HDGFL3: variants seen among roughly 807,000 people sequenced by gnomAD.
HDGFL3 encodes the protein hepatoma-derived growth factor-related protein 3.
Under a neutral mutation model 27.6 loss-of-function variants are expected in HDGFL3, and 6 were observed. The ratio of observed to expected loss-of-function variants is 0.22; its 90% CI spans 0.12 to 0.43. The LOEUF (loss-of-function observed/expected upper bound fraction) is 0.43, where lower values mean the gene tolerates loss of function less well. Among genes scored for constraint, HDGFL3 ranks in the 20% least tolerant of loss-of-function variants. The pLI, the probability that HDGFL3 is intolerant of heterozygous loss-of-function variation, is 1.00. For synonymous variants in HDGFL3, 88 were observed against 88.9 expected, an observed-to-expected ratio of 0.99 and a Z score of 0.05; for missense variants, 207 against 250.1, an observed-to-expected ratio of 0.83 and a Z score of 1.16.
At chr15:83,144,402 G>C (rs532850123) in intron 5 of HDGFL3, 2 of 455,938 alleles carry the variant, frequency 4.4e-6, no homozygotes, top group African/African-American at 4.0e-5. Context: ...TGACTTGCTT[G>C]TAATAAACAG....
chr15:83,178,692 C>G (rs1244509307), intron 1 of HDGFL3, among the ~76,000 whole-genome samples: 1 of 152,144 alleles, frequency 6.6e-6, no homozygotes, highest in Admixed American at 6.6e-5. Context: ...CCTCACTTCT[C>G]ATAGAGCTAA....
rs1216400315 is a variant in HDGFL3 at position 83,132,176 on chromosome 15, C to T, written c.*7094G>A. ...GGTAATACATGTAAAGGGCTTAAAA[C>T]AGTGTCTGGCACATAACAGCTATGT... is the stretch of plus-strand genomic sequence containing the variant. On this transcript the variant is annotated 3_prime_UTR_variant, in exon 6 of 6. Transcript: ENST00000299633. The T allele has an allele frequency of 6.6e-6, 1 of 152,218 alleles. No individual in the cohort carries two copies. The highest frequency in any genetic ancestry group is 6.5e-5 in the Admixed American group (1 of 15,272). 9.4% of individuals were successfully genotyped at this position (152,218 alleles called of 1,614,324 possible).
At chr15:83,206,432 T>G (rs1463399133) in intron 1 of HDGFL3, among the ~76,000 whole-genome samples, 1 of 152,222 alleles carries the variant, frequency 6.6e-6, no homozygotes, top group Non-Finnish European at 1.5e-5. Context: ...AAAAAGGATT[T>G]CTTCTAAAAC....
At chr15:83,185,383 G>C (rs2037429897) in intron 1 of HDGFL3, among the ~76,000 whole-genome samples, 1 of 152,192 alleles carries the variant, frequency 6.6e-6, no homozygotes, top group Non-Finnish European at 1.5e-5. Context: ...TTTGACTCAA[G>C]CCCAAGAAAT....
chr15:83,136,340 T>G lies in HDGFL3; in HGVS notation c.*2930A>C. 1 of 535,250 alleles carries G rather than the reference T, an allele frequency of 1.9e-6. No homozygotes were observed. Among genetic ancestry groups the G allele is most frequent in the East Asian group, 3.1e-5 (1 of 32,620 alleles). The allele number at this position is 535,250 out of a possible 1,614,324, so 33.2% of individuals were successfully genotyped here. A position where few individuals can be genotyped will look rare whatever the true frequency, so the allele number is the denominator to read the frequency against. On this transcript the variant is annotated 3_prime_UTR_variant, in exon 6 of 6. Coordinates refer to ENST00000299633, the MANE Select transcript of HDGFL3 (RefSeq NM_016073.4). ...AGACTCTGACATTAAAGACTCTGGATTGTTTGAAGGTATTTTGCCTGCAGG... is the reference window on the plus strand; with the variant it reads ...AGACTCTGACATTAAAGACTCTGGAGTGTTTGAAGGTATTTTGCCTGCAGG...
In HDGFL3 at chr15:83,207,492, T is replaced by C; in HGVS notation, c.-78A>G. The C allele has an allele frequency of 1.8e-6, 2 of 1,096,036 alleles. No homozygotes were observed. Among genetic ancestry groups the C allele is most frequent in the South Asian group, 8.1e-5 (2 of 24,756 alleles). 67.9% of individuals were successfully genotyped at this position (1,096,036 alleles called of 1,614,324 possible). On this transcript the variant is annotated 5_prime_UTR_variant, in exon 1 of 6. Transcript: ENST00000299633. The surrounding 1 kb of genome is among the most constrained non-coding windows in gnomAD (Gnocchi z 4.8). ...GCCGCCCCCCCGCGGGCCGACGAAT[T>C]GCGCCGCGCTCCCCGCGGGCCTCAA...
chr15:83,113,108 G>T (rs74735964), exon 4 of HDGFL3: 1 of 583,570 alleles, frequency 1.7e-6, no homozygotes, highest in East Asian at 2.9e-5. Flanking sequence ...GTGGCATCCC[G>T]GTGGAGAGTT....
chr15:83,170,876 CAAAAA>C (rs34510031), intron 1 of HDGFL3, among the ~76,000 whole-genome samples: 1 of 77,744 alleles, frequency 1.3e-5, no homozygotes, highest in African/African-American at 4.7e-5. Context: ...ATTCAACAAG[CAAAAA>C]AAAAAAAAAA....
chr15:83,136,316 G>C lies in HDGFL3; in HGVS notation c.*2954C>G, dbSNP rs1362817515. The C allele has an allele frequency of 4.3e-6, 2 of 468,094 alleles. No homozygotes were observed. The highest frequency in any genetic ancestry group is 7.5e-6 in the Non-Finnish European group (2 of 267,388). The allele number at this position is 468,094 out of a possible 1,614,324, so 29.0% of individuals were successfully genotyped here. On this transcript the variant is annotated 3_prime_UTR_variant, in exon 6 of 6. Transcript: ENST00000299633. ...TAATCAAGGACTAAATTTAATGAAA[G>C]ACTCTGACATTAAAGACTCTGGATT...
In HDGFL3 at chr15:83,185,484, T is replaced by C. The variant is rs370129094; in HGVS notation, c.85-21409A>G. Among the ~76,000 whole-genome samples the C allele has an allele frequency of 3.1e-4, 47 of 152,340 alleles. No individual in the cohort carries two copies. The South Asian group carries it at 7.9e-3, about 26-fold the overall frequency. ...GATTGGCTTGCACTCTCAGAGTTTC[T>C]TGTGGTAAAGAAGTTTTCCACAGAC... On this transcript the variant is annotated intron_variant, in intron 1 of 5. Coordinates refer to ENST00000299633, the MANE Select transcript of HDGFL3 (RefSeq NM_016073.4).
At chr15:83,186,897 AC>A in intron 1 of HDGFL3, among the ~76,000 whole-genome samples, 1 of 152,336 alleles carries the variant, frequency 6.6e-6, no homozygotes, top group Middle Eastern at 3.4e-3. Flanking sequence ...GTAAATAAAT[AC>A]ATTTTTTAAA....
In HDGFL3 at chr15:83,157,560, T is replaced by C. The variant is rs775359190; in HGVS notation, c.314A>G (p.Gln105Arg). The change falls in exon 4 of 6, where the codon CAG becomes CGG. Residue 105 changes from glutamine to arginine, a missense_variant. Coordinates refer to ENST00000299633, the MANE Select transcript of HDGFL3 (RefSeq NM_016073.4). ...TTCTCCCTCAGTTTCTGAAGAGCTC[T>C]GTTGCTGAATTGCCTAAGAAATAAT... Reference protein sequence around the residue: ...KFTGYQAIQQQSSSETEGEGG... With the variant: ...KFTGYQAIQQRSSSETEGEGG... 3 of 1,612,544 alleles carry C rather than the reference T, an allele frequency of 1.9e-6. No individual in the cohort carries two copies. The highest frequency in any genetic ancestry group is 1.7e-6 in the Non-Finnish European group (2 of 1,179,488).
At position 83,145,879 on chromosome 15, in the gene HDGFL3, T is replaced by C. The variant is rs1395043398; in HGVS notation, c.606+5336A>G. ...GTTCTTTCTTTTTTTTTTTTCTCTC[T>C]CTCTCCCTTTCTTCTTCCTTTTTTT... On this transcript the variant is annotated intron_variant, in intron 5 of 5. Transcript: ENST00000299633. Among the ~76,000 whole-genome samples, 51 of 142,420 alleles carry C rather than the reference T, an allele frequency of 3.6e-4. 1 individual carries two copies. Among genetic ancestry groups the C allele is most frequent in the African/African-American group, 1.3e-3 (51 of 39,270 alleles). The allele number at this position is 142,420 out of a possible 152,430, so 93.4% of individuals were successfully genotyped here.
intron 5 of HDGFL3, among the ~76,000 whole-genome samples, 167 bp downstream of exon 5, chr15:83,151,048 A>T (rs1259293395): frequency 6.6e-6 from 1 of 152,150 alleles, no homozygotes; most frequent in Admixed American, 6.5e-5. Flanking sequence ...TTTTGTTCAG[A>T]CTCTAAGAAT....
At chr15:83,117,420 A>G (rs922680535) in intron 3 of HDGFL3, among the ~76,000 whole-genome samples, 4 of 152,120 alleles carry the variant, frequency 2.6e-5, no homozygotes, top group Non-Finnish European at 5.9e-5. Context: ...GGGCTTGCCT[A>G]TGAGAAGGTA....
intron 3 of HDGFL3, among the ~76,000 whole-genome samples, chr15:83,121,606 A>G (rs1213638061): frequency 6.6e-6 from 1 of 152,118 alleles, no homozygotes; most frequent in Non-Finnish European, 1.5e-5. Context: ...TTTTCCTTTC[A>G]TGCTGTTGAG....
At chr15:83,120,136 C>G (rs1294523715) in intron 3 of HDGFL3, 2 of 171,514 alleles carry the variant, frequency 1.2e-5, no homozygotes, top group Non-Finnish European at 1.3e-5. Flanking sequence ...CTGCGGCTGG[C>G]CCCTTGGCAG....
At chr15:83,189,709 C>T (rs1254806867) in intron 1 of HDGFL3, among the ~76,000 whole-genome samples, 4 of 152,072 alleles carry the variant, frequency 2.6e-5, no homozygotes, top group African/African-American at 9.7e-5. Flanking sequence ...CTGTTAAATC[C>T]CTGGCACTCA....
At chr15:83,162,195 A>T (rs1358858140) in intron 2 of HDGFL3, among the ~76,000 whole-genome samples, 2 of 152,208 alleles carry the variant, frequency 1.3e-5, no homozygotes. Flanking sequence ...TAAGTAGAGT[A>T]AGAAACACTG....
Sources: gnomAD v4.1 joint callset for allele counts (sites outside exome capture counted in the v4.1 genomes callset) on GRCh38, gnomAD v4.1.1 for gene constraint, Gnocchi (gnomAD v3.1) non-coding constraint, MANE v1.5 for transcripts, NCBI Gene and HGNC (gene_info 2026-07-23, HGNC 2026-07-21) for gene names.